Variants in PARL observed in about 807,000 individuals in gnomAD.
The protein encoded by PARL is presenilin-associated rhomboid-like protein, mitochondrial.
In PARL, 44 loss-of-function variants were observed where a neutral mutation model predicts 51.6. The observed-to-expected ratio is 0.85, with a 90% CI of 0.67 to 1.10. The LOEUF is 1.10. Ranked by LOEUF, PARL falls within the 50% of genes least tolerant of loss-of-function variation. The pLI is 0.00. For synonymous variants in PARL, 172 were observed against 164.0 expected (o/e 1.05, Z -0.37); for missense variants, 441 against 469.5 (o/e 0.94, Z 0.56).
At chr3:183,882,396 C>CATATAT (rs55713392) in intron 1 of PARL, among the ~76,000 whole-genome samples, 3 of 146,560 alleles carry the variant, frequency 2.0e-5, no homozygotes, top group African/African-American at 5.1e-5. Context: ...TATATATGCA[C>CATATAT]ATATACACAC....
intron 4 of PARL, among the ~76,000 whole-genome samples, chr3:183,846,184 T>C (rs1462694151): frequency 6.6e-6 from 1 of 151,172 alleles, no homozygotes; most frequent in African/African-American, 2.4e-5. Flanking sequence ...TAAAGGAAAA[T>C]ACATGAAAAA....
intron 1 of PARL, among the ~76,000 whole-genome samples, chr3:183,870,034 T>C (rs1232059673): frequency 6.6e-6 from 1 of 151,146 alleles, no homozygotes. Flanking sequence ...TCCCAGCACT[T>C]TGGGAGGCTG....
intron 5 of PARL, 135 bp from the exon 6 acceptor site, chr3:183,842,582 G>A (rs1729455885): frequency 2.7e-6 from 2 of 735,748 alleles, no homozygotes; most frequent in Non-Finnish European, 4.7e-6. Flanking sequence ...GGCCAAGGCA[G>A]GCGGATCACT....
chr3:183,884,510 G>C (rs1042259936), intron 1 of PARL, among the ~76,000 whole-genome samples: 1 of 152,226 alleles, frequency 6.6e-6, no homozygotes, highest in South Asian at 2.1e-4. Context: ...AATGGGAAAG[G>C]AGAAAGCGCA....
rs1453199509 is a variant in PARL at position 183,867,908 on chromosome 3, T to C, written c.278A>G (p.Tyr93Cys). The C allele has an allele frequency of 1.9e-6, 3 of 1,613,742 alleles. No individual in the cohort carries two copies. The highest frequency in any genetic ancestry group is 1.7e-6 in the Non-Finnish European group (2 of 1,179,848). The part of the protein sequence containing the change: ...VEETVFYPSP[Y>C]PIRSLIKPLF... Reference sequence around the variant, plus strand: ...AGGTTTTATGAGACTCCTTATAGGATAGGGAGAAGGATAAAAGACTGTTTC... The same window carrying C: ...AGGTTTTATGAGACTCCTTATAGGACAGGGAGAAGGATAAAAGACTGTTTC... The change falls in exon 2 of 10, where the codon TAT becomes TGT. Residue 93 changes from tyrosine (Y) to cysteine (C), a missense_variant. Coordinates refer to ENST00000317096, the MANE Select transcript of PARL (RefSeq NM_018622.7).
At chr3:183,844,482 G>T in intron 4 of PARL, 156 bp from the exon 5 acceptor site, 1 of 637,282 alleles carries the variant, frequency 1.6e-6, no homozygotes, top group South Asian at 1.9e-5. Context: ...TGAAATGAAT[G>T]CTTTTAAAGT....
rs769274144 is a variant in PARL, at chr3:183,842,318, A to G, written c.737T>C (p.Met246Thr). The G allele has an allele frequency of 1.7e-5, 27 of 1,612,794 alleles. No homozygotes were observed. Among genetic ancestry groups the G allele is most frequent in the Middle Eastern group, 1.9e-4 (1 of 5,146 alleles). The change falls in exon 6 of 10, where the codon ATG becomes ACG. Residue 246 changes from methionine to threonine, a missense_variant. By Grantham distance (81) the Met-to-Thr change is moderately conservative. Transcript: ENST00000317096. ...IVNILGQEQF[M>T]AVYLSAGVIS... ...ATTACCTGCAGATAGGTACACTGCCATGAACTGCTCTTGACCCAGAATGTT... is the reference window on the plus strand; with the variant it reads ...ATTACCTGCAGATAGGTACACTGCCGTGAACTGCTCTTGACCCAGAATGTT...
At chr3:183,861,752 T>C (rs1392523275) in intron 4 of PARL, among the ~76,000 whole-genome samples, 1 of 152,240 alleles carries the variant, frequency 6.6e-6, no homozygotes, top group Non-Finnish European at 1.5e-5. Flanking sequence ...TAATTTTTTC[T>C]TTTCTATGCA....
At chr3:183,859,842 T>C (rs1731601574) in intron 4 of PARL, among the ~76,000 whole-genome samples, 1 of 152,168 alleles carries the variant, frequency 6.6e-6, no homozygotes, top group South Asian at 2.1e-4. Flanking sequence ...GTATCCAAAA[T>C]CTTTCCATCC....
At chr3:183,867,420 G>C (rs1732621434) in intron 2 of PARL, among the ~76,000 whole-genome samples, 1 of 151,978 alleles carries the variant, frequency 6.6e-6, no homozygotes, top group African/African-American at 2.4e-5. Context: ...CAGACTCTAG[G>C]CCGGGCGCAG....
intron 3 of PARL, among the ~76,000 whole-genome samples, chr3:183,865,235 G>T (rs2108674803): frequency 6.6e-6 from 1 of 152,230 alleles, no homozygotes. Flanking sequence ...TCAAACCCAG[G>T]AGTTTGAGGC....
intron 3 of PARL, 77 bp from the exon 4 acceptor site, chr3:183,862,878 C>G: frequency 9.0e-7 from 1 of 1,111,518 alleles, no homozygotes; most frequent in Non-Finnish European, 1.4e-6. Context: ...AAGAAAATGC[C>G]TCGCACATAA....
chr3:183,829,196 A>T (rs1727634744), downstream of PARL: 1 of 273,144 alleles, frequency 3.7e-6, no homozygotes. Context: ...TGTGCAGCCA[A>T]CCCAGGGGAG....
chr3:183,881,431 T>C (rs534016677), intron 1 of PARL, among the ~76,000 whole-genome samples: 1 of 152,368 alleles, frequency 6.6e-6, no homozygotes, highest in African/African-American at 2.4e-5. Flanking sequence ...CTGTGCATTG[T>C]TTTTAAGAGT....
intron 4 of PARL, chr3:183,844,877 G>A (rs1729764645): frequency 6.5e-6 from 1 of 153,102 alleles, no homozygotes; most frequent in South Asian, 2.1e-4. Flanking sequence ...TGCTTCTAAA[G>A]TCTGTTTACA....
chr3:183,835,759 C>T lies in PARL; in HGVS notation c.829-1934G>A, dbSNP rs1267709952. ...GTGGGCGCCTGTAGTCCCAGCTACT[C>T]GGAAGGCTGAGGTTGTGGTGAGCCA... On this transcript the variant is annotated intron_variant, in intron 7 of 9. Transcript: ENST00000317096. Among the ~76,000 whole-genome samples, 7 of 151,940 alleles carry T rather than the reference C, an allele frequency of 4.6e-5. No individual in the cohort carries two copies. The East Asian group carries it at 5.8e-4, about 13-fold the overall frequency.
intron 7 of PARL, 142 bp from the exon 8 acceptor site, chr3:183,833,967 T>C (rs757481288): frequency 9.3e-5 from 65 of 701,484 alleles, no homozygotes; most frequent in Admixed American, 1.7e-4. Context: ...AGCTTTCAGT[T>C]ACTTATGTCC....
intron 1 of PARL, among the ~76,000 whole-genome samples, chr3:183,876,682 T>G (rs942038127): frequency 2.0e-5 from 3 of 150,478 alleles, no homozygotes; most frequent in African/African-American, 7.4e-5. Flanking sequence ...AGAAATATAT[T>G]TTGTAAGGCA....
intron 5 of PARL, 51 bp from the exon 6 acceptor site, chr3:183,842,498 A>C (rs775679699): frequency 6.3e-7 from 1 of 1,577,348 alleles, no homozygotes. Context: ...ACAGCCAATA[A>C]AAATTATCCA....
Sources: allele counts gnomAD v4.1 joint callset (sites outside exome capture counted in the v4.1 genomes callset), GRCh38; gene constraint gnomAD v4.1.1; transcripts MANE v1.5; gene names NCBI Gene and HGNC (gene_info 2026-07-23, HGNC 2026-07-21).